Variants in RAB3C observed in about 807,000 individuals in gnomAD.
The protein encoded by RAB3C is ras-related protein Rab-3C.
A neutral mutation model predicts 26.4 loss-of-function variants in RAB3C; 17 were observed. That is an observed-to-expected ratio of 0.64 (90% CI 0.44 to 0.97). The LOEUF is 0.97. RAB3C is among the 50% of genes least tolerant of loss of function. The pLI, the probability that RAB3C is intolerant of heterozygous loss-of-function variation, is 0.00. For missense variants in RAB3C, 242 were observed against 281.9 expected (o/e 0.86, Z 1.01); for synonymous variants, 91 against 95.9 (o/e 0.95, Z 0.30).
intron 3 of RAB3C, among the ~76,000 whole-genome samples, chr5:58,797,339 C>CAAAAAA (rs1206716376): frequency 1.6e-4 from 2 of 12,740 alleles, no homozygotes; most frequent in African/African-American, 4.3e-4. Context: ...CCCTGGAAGA[C>CAAAAAA]AAAAAAAAAA....
At chr5:58,767,010 T>C (rs542533825) in intron 3 of RAB3C, among the ~76,000 whole-genome samples, 266 of 129,748 alleles carry the variant, frequency 2.1e-3, no homozygotes, top group African/African-American at 6.6e-3. Context: ...CATAGTCATA[T>C]AGCCAGCGGG....
intron 2 of RAB3C, among the ~76,000 whole-genome samples, chr5:58,653,292 G>T (rs1747698291): frequency 1.3e-5 from 2 of 152,126 alleles, no homozygotes; most frequent in Non-Finnish European, 2.9e-5. Flanking sequence ...AAAAAGTCAG[G>T]AAACAACAGA....
At chr5:58,590,181 T>C (rs1048983355) in intron 1 of RAB3C, among the ~76,000 whole-genome samples, 2 of 152,232 alleles carry the variant, frequency 1.3e-5, no homozygotes, top group Non-Finnish European at 2.9e-5. Flanking sequence ...TAAAAATTTT[T>C]CTATTTCATT....
At chr5:58,675,158 AT>A (rs1218902196) in intron 2 of RAB3C, among the ~76,000 whole-genome samples, 19 of 151,908 alleles carry the variant, frequency 1.3e-4, no homozygotes, top group Non-Finnish European at 2.1e-4. Flanking sequence ...CAGGCTCAAT[AT>A]CTACCTTTCT....
chr5:58,777,962 T>C (rs1241334084), intron 3 of RAB3C, among the ~76,000 whole-genome samples: 1 of 152,112 alleles, frequency 6.6e-6, no homozygotes, highest in South Asian at 2.1e-4. Flanking sequence ...CCAAAGAACA[T>C]GTTTTGTATA....
intron 3 of RAB3C, among the ~76,000 whole-genome samples, chr5:58,757,700 A>C (rs1198344379): frequency 5.3e-5 from 8 of 152,172 alleles, no homozygotes; most frequent in Non-Finnish European, 1.2e-4. Context: ...TTCCCCTGCA[A>C]CTAATAAATA....
chr5:58,712,981 C>A, intron 2 of RAB3C, among the ~76,000 whole-genome samples: 1 of 152,040 alleles, frequency 6.6e-6, no homozygotes, highest in Non-Finnish European at 1.5e-5. Flanking sequence ...CAAATTCTGA[C>A]ATGAAGGGAT....
intron 3 of RAB3C, among the ~76,000 whole-genome samples, chr5:58,727,101 C>T (rs1441312252): frequency 1.4e-5 from 2 of 144,724 alleles, no homozygotes; most frequent in African/African-American, 2.5e-5. Flanking sequence ...TTTGACAATA[C>T]ATAGGCAAAA....
At chr5:58,796,671 TAGAA>T (rs945176363) in intron 3 of RAB3C, among the ~76,000 whole-genome samples, 1 of 152,144 alleles carries the variant, frequency 6.6e-6, no homozygotes, top group Non-Finnish European at 1.5e-5. Context: ...GCAAAGAAGA[TAGAA>T]AGAGTATCTA....
intron 2 of RAB3C, among the ~76,000 whole-genome samples, chr5:58,623,931 G>A (rs777132492): frequency 4.0e-4 from 61 of 152,142 alleles, no homozygotes; most frequent in African/African-American, 1.1e-3. Flanking sequence ...CCATTTCCTC[G>A]TTTATGTAGT....
intron 2 of RAB3C, among the ~76,000 whole-genome samples, chr5:58,633,152 G>A (rs1053873925): frequency 3.9e-5 from 6 of 152,170 alleles, no homozygotes; most frequent in African/African-American, 1.2e-4. Flanking sequence ...CCTGTTTTCA[G>A]CAGGCTAGGA....
chr5:58,761,334 A>T lies in RAB3C; in HGVS notation c.371+35214A>T, dbSNP rs1053646231. ...ATTAATGACTTTTTACCTGATAGTT[A>T]TATAATGTGTTCTTTCTTTACAAAT... is the stretch of plus-strand genomic sequence containing the variant. On this transcript the variant is annotated intron_variant, in intron 3 of 4. Transcript: ENST00000282878. 2.2e-4 allele frequency among the ~76,000 whole-genome samples: 33 copies of T among 152,246 alleles called. 1 individual carries two copies. Among genetic ancestry groups the T allele is most frequent in the Admixed American group, 2.1e-3 (32 of 15,284 alleles).
chr5:58,836,222 A>G (rs1743742826), intron 4 of RAB3C, among the ~76,000 whole-genome samples: 1 of 151,214 alleles, frequency 6.6e-6, no homozygotes, highest in Non-Finnish European at 1.5e-5. Flanking sequence ...AGGGAATCCA[A>G]TGATGTTCAC....
chr5:58,654,388 C>CT, intron 2 of RAB3C, among the ~76,000 whole-genome samples: 1 of 152,114 alleles, frequency 6.6e-6, no homozygotes, highest in East Asian at 1.9e-4. Context: ...AACAATTTTA[C>CT]TTTACCCTAC....
At chr5:58,834,129 G>A (rs1345845583) in intron 4 of RAB3C, among the ~76,000 whole-genome samples, 4 of 152,156 alleles carry the variant, frequency 2.6e-5, no homozygotes, top group Non-Finnish European at 4.4e-5. Context: ...TGATTTAATG[G>A]TTTGGTGGTT....
At chr5:58,611,002 A>G (rs1416167300) in intron 1 of RAB3C, among the ~76,000 whole-genome samples, 1 of 151,866 alleles carries the variant, frequency 6.6e-6, no homozygotes, top group Non-Finnish European at 1.5e-5. Context: ...TGAGAACATG[A>G]AGTATTTGGT....
At chr5:58,689,024 A>G (rs754768350) in intron 2 of RAB3C, among the ~76,000 whole-genome samples, 1 of 152,082 alleles carries the variant, frequency 6.6e-6, no homozygotes, top group African/African-American at 2.4e-5. Context: ...AGCATCTCCA[A>G]GTTTATTCTC....
intron 2 of RAB3C, among the ~76,000 whole-genome samples, chr5:58,634,153 A>AT (rs1036305882): frequency 3.3e-5 from 5 of 152,060 alleles, no homozygotes; most frequent in Non-Finnish European, 5.9e-5. Context: ...AAAAAAAAAA[A>AT]AATTGTTTGT....
At chr5:58,665,244 A>G (rs1747980157) in intron 2 of RAB3C, among the ~76,000 whole-genome samples, 1 of 152,208 alleles carries the variant, frequency 6.6e-6, no homozygotes, top group Non-Finnish European at 1.5e-5. Context: ...TATATTGTTT[A>G]ATCCTACCAG....
Sources: allele counts gnomAD v4.1 joint callset (sites outside exome capture counted in the v4.1 genomes callset), GRCh38; gene constraint gnomAD v4.1.1; transcripts MANE v1.5; gene names NCBI Gene and HGNC (gene_info 2026-07-23, HGNC 2026-07-21).